The following CENPE variants were observed in gnomAD, a reference collection of about 807,000 sequenced individuals.
The protein encoded by CENPE is centromere protein E, also known as centromere-associated protein E.
In CENPE, 145 loss-of-function variants were observed where a neutral mutation model predicts 336.1. The observed-to-expected ratio is 0.43, with a 90% CI of 0.38 to 0.50. The LOEUF (loss-of-function observed/expected upper bound fraction) is 0.50, where lower values mean the gene tolerates loss of function less well. Among genes scored for constraint, CENPE ranks in the 20% least tolerant of loss-of-function variants. The pLI is 0.00. For synonymous variants in CENPE, 1,013 were observed against 984.8 expected, an observed-to-expected ratio of 1.03 and a Z score of -0.54; for missense variants, 2,719 against 3,023.3, an observed-to-expected ratio of 0.90 and a Z score of 2.36.
chr4:103,107,647 G>T (rs1312131461), intron 48 of CENPE, among the ~76,000 whole-genome samples: 2 of 152,102 alleles, frequency 1.3e-5, no homozygotes, highest in African/African-American at 4.8e-5. Flanking sequence ...CAACCTCCAT[G>T]CAGAGCTGGG....
chr4:103,198,169 G>A lies in CENPE; in HGVS notation c.56+95C>T, dbSNP rs185238151. On this transcript the variant is annotated intron_variant, in intron 1 of 48. Coordinates refer to ENST00000265148, the MANE Select transcript of CENPE (RefSeq NM_001813.3). ...AGTCACTAGACAGCAGAGCCGGGAA[G>A]CAGCGGCTCCTGGAAACATCGTAGG... 8.9e-3 allele frequency: 10,953 copies of A among 1,227,710 alleles called. 78 individuals are homozygous for A. Among genetic ancestry groups the A allele is most frequent in the Non-Finnish European group, 0.011 (9,582 of 874,090 alleles). 76.1% of individuals were successfully genotyped at this position (1,227,710 alleles called of 1,614,324 possible).
chr4:103,160,616 T>C lies in CENPE; in HGVS notation c.2286+9A>G, dbSNP rs771908865. 6.9e-6 allele frequency: 11 copies of C among 1,596,240 alleles called. No individual in the cohort carries two copies. Among genetic ancestry groups the C allele is most frequent in the South Asian group, 6.9e-5 (6 of 87,444 alleles). ...AAAATAAGGGATAAGTGCTTATAAA[T>C]GTGTTTACCTCTTTCCTCAGCCTTT... On this transcript the variant is annotated intron_variant, in intron 21 of 48. Coordinates refer to ENST00000265148, the MANE Select transcript of CENPE (RefSeq NM_001813.3).
intron 37 of CENPE, 69 bp downstream of exon 37, chr4:103,140,187 A>AT (rs1752421063): frequency 6.8e-7 from 1 of 1,480,230 alleles, no homozygotes; most frequent in African/African-American, 1.4e-5. Context: ...ATCTGTATCT[A>AT]TATCTTTTTA....
At chr4:103,111,090 C>T (rs1449537071) in intron 46 of CENPE, 79 bp from the exon 47 acceptor site, 4 of 1,094,816 alleles carry the variant, frequency 3.7e-6, no homozygotes, top group Non-Finnish European at 5.2e-6. Context: ...CTACCAAGTA[C>T]AATAAGCCAT....
At position 103,116,677 on chromosome 4, in the gene CENPE, A is replaced by G. The variant is rs1750144663; in HGVS notation, c.7342T>C (p.Leu2448=). 2 of 1,565,860 alleles carry G rather than the reference A, an allele frequency of 1.3e-6. No homozygotes were observed. Among genetic ancestry groups the G allele is most frequent in the Non-Finnish European group, 1.7e-6 (2 of 1,159,580 alleles). ...TCTTCTTTATATGGCTTAGCTCCTA[A>G]AGCAACTTTGTCCTAAATTTTTTTT... The part of the protein sequence containing the change: ...TIQVLQDKVA[L]GAKPYKEEIE... The change falls in exon 45 of 49, where the codon TTA becomes CTA. Residue 2448 remains leucine, a synonymous_variant. Coordinates refer to ENST00000265148, the MANE Select transcript of CENPE (RefSeq NM_001813.3).
intron 28 of CENPE, among the ~76,000 whole-genome samples, chr4:103,148,290 A>G (rs1395098579): frequency 6.6e-6 from 1 of 152,186 alleles, no homozygotes; most frequent in Admixed American, 6.5e-5. Flanking sequence ...CTATATCCCA[A>G]TAAATGTATG....
chr4:103,177,145 A>G, intron 13 of CENPE, 99 bp from the exon 14 acceptor site: 1 of 979,002 alleles, frequency 1.0e-6, no homozygotes, highest in South Asian at 1.7e-5. Context: ...TTGACTTGGT[A>G]GAATTCTTAT....
chr4:103,145,889 T>G lies in CENPE; in HGVS notation c.4353A>C (p.Gln1451His). ...AKEKDDLQRL[Q>H]EVLQSESDQL... ...GGTCACTTTCAGATTGAAGAACTTC[T>G]TGCAGCCTCTGTAGGTCATCTTTCT... Residue 1451 changes from glutamine (Q) to histidine (H), a missense_variant, in exon 30 of 49, where the codon CAA (glutamine) becomes CAC (histidine). Transcript: ENST00000265148. The G allele has an allele frequency of 1.2e-6, 2 of 1,613,718 alleles. No homozygotes were observed. Among genetic ancestry groups the G allele is most frequent in the East Asian group, 4.5e-5 (2 of 44,838 alleles).
chr4:103,114,373 T>C (rs1338385676), intron 46 of CENPE, 82 bp downstream of exon 46: 1 of 813,304 alleles, frequency 1.2e-6, no homozygotes, highest in East Asian at 2.5e-5. Context: ...GACTGTCACA[T>C]ACTACATAAT....
Position 103,120,351 on chromosome 4 carries a change from C to G in CENPE, c.7144-18G>C. The G allele has an allele frequency of 6.3e-7, 1 of 1,589,092 alleles. No individual in the cohort carries two copies. Among genetic ancestry groups the G allele is most frequent in the African/African-American group, 1.4e-5 (1 of 73,872 alleles). On this transcript the variant is annotated intron_variant, in intron 43 of 48. Transcript: ENST00000265148. ...CGAATTTTCTATTAGAAAAAGCACA[C>G]ATTCATAAGCTCTATCATCAAGACA...
At position 103,182,650 on chromosome 4, in the gene CENPE, G is replaced by A. The variant is rs1014182631; in HGVS notation, c.963+112C>T. On this transcript the variant is annotated intron_variant, in intron 11 of 48. Transcript: ENST00000265148. ...AATGCTATTTAGTAGACAACATATC[G>A]ATTATAACAGGCGAGTTAATTAAAA... is the stretch of plus-strand genomic sequence containing the variant. 2.0e-4 allele frequency: 166 copies of A among 813,626 alleles called. No homozygotes were observed. The Middle Eastern group carries it at 3.0e-3, about 15-fold the overall frequency. 50.4% of individuals were successfully genotyped at this position (813,626 alleles called of 1,614,324 possible). A position where few individuals can be genotyped will look rare whatever the true frequency, so the allele number is the denominator to read the frequency against.
At chr4:103,179,434 CT>C (rs1756151011) in intron 13 of CENPE, among the ~76,000 whole-genome samples, 1 of 152,192 alleles carries the variant, frequency 6.6e-6, no homozygotes, top group Non-Finnish European at 1.5e-5. Context: ...CAACTCCAAG[CT>C]TTTGTACATG....
intron 38 of CENPE, 76 bp from the exon 39 acceptor site, chr4:103,138,525 T>A: frequency 1.1e-6 from 1 of 875,754 alleles, no homozygotes; most frequent in South Asian, 1.4e-5. Context: ...CGCACACTTC[T>A]AAATTACATG....
chr4:103,193,336 C>T (rs1346325118), intron 8 of CENPE, among the ~76,000 whole-genome samples: 1 of 152,020 alleles, frequency 6.6e-6, no homozygotes, highest in African/African-American at 2.4e-5. Context: ...ATAAGTTATA[C>T]AATTTTATAG....
In CENPE at chr4:103,106,218, G is replaced by T. The variant is rs753178851; in HGVS notation, c.*4C>A. 2.6e-6 allele frequency: 4 copies of T among 1,544,268 alleles called. No individual in the cohort carries two copies. The South Asian group carries it at 3.8e-5, about 15-fold the overall frequency. ...GGATCTCCAGAGAAGTGACAAAGAG[G>T]AGTCTACTGAGTTTTGCACTCAGGC... On this transcript the variant is annotated 3_prime_UTR_variant, in exon 49 of 49. Transcript: ENST00000265148.
In CENPE at chr4:103,163,626, GAA is replaced by G. The variant is rs1754660019; in HGVS notation, c.1648-75_1648-74del. The G allele has an allele frequency of 8.7e-5, 49 of 566,020 alleles. No individual in the cohort carries two copies. The African/African-American group carries it at 1.1e-3, about 12-fold the overall frequency. 35.1% of individuals were successfully genotyped at this position (566,020 alleles called of 1,614,324 possible). A position where few individuals can be genotyped will look rare whatever the true frequency, so the allele number is the denominator to read the frequency against. ...AGCAAAGCAAAAAAAAAAAAAAAAA[GAA>G]AAAGAAAAAAAAGGGCACTGGTTCA... On this transcript the variant is annotated intron_variant, in intron 16 of 48. Coordinates refer to ENST00000265148, the MANE Select transcript of CENPE (RefSeq NM_001813.3).
At chr4:103,153,959 C>T (rs1004301924) in intron 24 of CENPE, among the ~76,000 whole-genome samples, 3 of 151,966 alleles carry the variant, frequency 2.0e-5, no homozygotes. Context: ...TTATATACTG[C>T]TTAAGAAAAA....
chr4:103,140,046 G>A lies in CENPE; in HGVS notation c.5947C>T (p.Leu1983Phe), dbSNP rs1752406105. The A allele has an allele frequency of 6.2e-7, 1 of 1,607,114 alleles. No homozygotes were observed. The highest frequency in any genetic ancestry group is 1.7e-5 in the Admixed American group (1 of 58,852). The stretch of plus-strand genomic sequence containing the variant: ...ATATTGACATCTTCTTTCACTCTAA[G>A]CAGTTGAAGTTCTTTTTTCTGAAGT... ...QELQKKELQL[L>F]RVKEDVNMSH... The change falls in exon 38 of 49, where the codon CTT becomes TTT. Residue 1983 changes from leucine to phenylalanine, a missense_variant. By Grantham distance (22) the Leu-to-Phe change is conservative. Transcript: ENST00000265148.
chr4:103,137,386 T>A (rs1752159227), intron 39 of CENPE, among the ~76,000 whole-genome samples: 2 of 152,154 alleles, frequency 1.3e-5, no homozygotes, highest in South Asian at 4.1e-4. Context: ...GTTACTGTAA[T>A]CATGTAGTAG....
Sources: allele counts gnomAD v4.1 joint callset (sites outside exome capture counted in the v4.1 genomes callset), GRCh38; gene constraint gnomAD v4.1.1; transcripts MANE v1.5; gene names NCBI Gene and HGNC (gene_info 2026-07-23, HGNC 2026-07-21).